PLEKHA1: variants seen among roughly 807,000 people sequenced by gnomAD.
The protein encoded by PLEKHA1 is pleckstrin homology domain containing A1.
In PLEKHA1, 34 loss-of-function variants were observed where a neutral mutation model predicts 52.0. That is an observed-to-expected ratio of 0.65 (90% CI 0.50 to 0.87). The LOEUF is 0.87. PLEKHA1 is among the 40% of genes least tolerant of loss of function. The probability of loss-of-function intolerance (pLI) is 0.00; values close to 1 mark genes in which losing one functional copy is unlikely to be tolerated. For synonymous variants in PLEKHA1, 163 were observed against 170.7 expected (o/e 0.95, Z 0.35); for missense variants, 497 against 504.2 (o/e 0.99, Z 0.14).
chr10:122,414,087 T>TA (rs1351865435), intron 6 of PLEKHA1, among the ~76,000 whole-genome samples: 1 of 152,052 alleles, frequency 6.6e-6, no homozygotes, highest in Non-Finnish European at 1.5e-5. Context: ...CAAAGTTGGA[T>TA]AAAAAAATAA....
the PLEKHA1 span, chr10:122,441,451 CAG>C: frequency 6.6e-6 from 1 of 152,232 alleles, no homozygotes; most frequent in Non-Finnish European, 1.5e-5. Flanking sequence ...GCCTGGGCAA[CAG>C]AGTGAGACCC....
chr10:122,434,674 C>T (rs1037017814), downstream of PLEKHA1: 11 of 148,812 alleles, frequency 7.4e-5, no homozygotes, highest in African/African-American at 2.5e-4. Flanking sequence ...CCCATTAACT[C>T]GTCATTTAGC....
intron 11 of PLEKHA1, among the ~76,000 whole-genome samples, chr10:122,429,226 T>A (rs1222289032): frequency 6.6e-6 from 1 of 152,166 alleles, no homozygotes; most frequent in African/African-American, 2.4e-5. Context: ...TAATTCCTAG[T>A]GTTGACTGAG....
chr10:122,414,390 A>G (rs894561421), intron 6 of PLEKHA1, among the ~76,000 whole-genome samples: 4 of 152,060 alleles, frequency 2.6e-5, no homozygotes, highest in Non-Finnish European at 4.4e-5. Flanking sequence ...ATTTTGTAGT[A>G]TAGTTTTAAA....
Position 122,432,046 on chromosome 10 carries a change from G to A in PLEKHA1, c.*2108G>A, listed in dbSNP as rs2097420458. ...AGAACTATCCTTGTTCGATAGCATAGGAAAATGTTCTGGTGATTGTCAGGG... is the reference window on the plus strand; with the variant it reads ...AGAACTATCCTTGTTCGATAGCATAAGAAAATGTTCTGGTGATTGTCAGGG... On this transcript the variant is annotated 3_prime_UTR_variant, in exon 12 of 12. Transcript: ENST00000368990. The A allele has an allele frequency of 1.3e-5, 2 of 152,072 alleles. No homozygotes were observed. The highest frequency in any genetic ancestry group is 4.8e-5 in the African/African-American group (2 of 41,394). 9.4% of individuals were successfully genotyped at this position (152,072 alleles called of 1,614,324 possible).
intron 1 of PLEKHA1, among the ~76,000 whole-genome samples, chr10:122,390,138 C>T (rs1206452367): frequency 2.6e-5 from 4 of 152,192 alleles, no homozygotes; most frequent in Non-Finnish European, 5.9e-5. Context: ...AAGTCATGAA[C>T]CAACAACCTC....
At chr10:122,438,996 C>T in the PLEKHA1 span, 1 of 152,226 alleles carries the variant, frequency 6.6e-6, no homozygotes, top group South Asian at 2.1e-4. Flanking sequence ...CAAGCTTGCT[C>T]TAGTGGTTCC....
At chr10:122,380,201 G>T (rs879591747) in intron 1 of PLEKHA1, among the ~76,000 whole-genome samples, 10 of 152,220 alleles carry the variant, frequency 6.6e-5, no homozygotes, top group Non-Finnish European at 1.5e-4. Context: ...AATCTTTGAT[G>T]CAGTAATTAT....
intron 1 of PLEKHA1, among the ~76,000 whole-genome samples, chr10:122,385,040 A>G (rs1299919416): frequency 1.3e-5 from 2 of 152,128 alleles, no homozygotes; most frequent in African/African-American, 2.4e-5. Flanking sequence ...TTTAAAATGT[A>G]TAATTTGATG....
chr10:122,410,340 A>G (rs2097090810), intron 5 of PLEKHA1, among the ~76,000 whole-genome samples: 1 of 152,230 alleles, frequency 6.6e-6, no homozygotes, highest in Non-Finnish European at 1.5e-5. Context: ...TAGAAAGCCA[A>G]GGAAAGGGAG....
downstream of PLEKHA1, chr10:122,436,279 C>T (rs1018190069): frequency 6.6e-6 from 1 of 152,168 alleles, no homozygotes; most frequent in Non-Finnish European, 1.5e-5. Flanking sequence ...TAGAACCATA[C>T]TATTTCAAAT....
intron 8 of PLEKHA1, 66 bp from the exon 9 acceptor site, chr10:122,424,133 A>G: frequency 6.7e-7 from 1 of 1,498,094 alleles, no homozygotes. Context: ...AAGACAGCTA[A>G]CCTTTGAAAG....
intron 1 of PLEKHA1, among the ~76,000 whole-genome samples, chr10:122,385,023 C>CT (rs915179067): frequency 5.5e-4 from 84 of 152,170 alleles, no homozygotes; most frequent in African/African-American, 2.0e-3. Context: ...TCAATAAACT[C>CT]TATCTGTTTA....
intron 4 of PLEKHA1, among the ~76,000 whole-genome samples, chr10:122,405,211 T>C (rs919452222): frequency 3.9e-5 from 6 of 152,166 alleles, no homozygotes; most frequent in Admixed American, 3.3e-4. Context: ...ATTCAAAATA[T>C]AAAGGAAATT....
At chr10:122,410,844 A>G (rs1011282962) in intron 5 of PLEKHA1, among the ~76,000 whole-genome samples, 7 of 152,180 alleles carry the variant, frequency 4.6e-5, no homozygotes, top group Non-Finnish European at 8.8e-5. Context: ...TAGTTTTCTT[A>G]TGGGTCACCT....
intron 9 of PLEKHA1, 47 bp downstream of exon 9, chr10:122,424,310 G>A: frequency 6.5e-7 from 1 of 1,543,682 alleles, no homozygotes; most frequent in Non-Finnish European, 8.7e-7. Flanking sequence ...TATAAACACA[G>A]AATAGTGCCT....
At chr10:122,380,766 AT>A (rs1479140303) in intron 1 of PLEKHA1, among the ~76,000 whole-genome samples, 1 of 152,170 alleles carries the variant, frequency 6.6e-6, no homozygotes, top group Non-Finnish European at 1.5e-5. Flanking sequence ...AGAATTTCTG[AT>A]TTAATTGGTC....
At chr10:122,392,714 T>G (rs2096793619) in intron 1 of PLEKHA1, among the ~76,000 whole-genome samples, 2 of 152,134 alleles carry the variant, frequency 1.3e-5, no homozygotes, top group African/African-American at 4.8e-5. Flanking sequence ...CTAGGATTGT[T>G]TAGAAGATTA....
At chr10:122,402,716 C>T (rs2096947758) in intron 4 of PLEKHA1, among the ~76,000 whole-genome samples, 1 of 152,144 alleles carries the variant, frequency 6.6e-6, no homozygotes, top group Non-Finnish European at 1.5e-5. Context: ...GGGCAGACAC[C>T]CTTCTTCTGT....
Sources: allele counts gnomAD v4.1 joint callset (sites outside exome capture counted in the v4.1 genomes callset), GRCh38; gene constraint gnomAD v4.1.1; transcripts MANE v1.5; gene names NCBI Gene and HGNC (gene_info 2026-07-23, HGNC 2026-07-21).